Variants in RYR1 observed in about 807,000 individuals in gnomAD.
The protein encoded by RYR1 is ryanodine receptor 1.
In RYR1, 342 loss-of-function variants were observed where a neutral mutation model predicts 583.5. The ratio of observed to expected loss-of-function variants is 0.59; its 90% CI spans 0.54 to 0.64. RYR1 has a LOEUF of 0.64. Ranked by LOEUF, RYR1 falls within the 30% of genes least tolerant of loss-of-function variation. The pLI is 0.00. For missense variants in RYR1, 6,032 were observed against 6,917.2 expected (o/e 0.87, Z 4.54); for synonymous variants, 2,791 against 2,822.5 (o/e 0.99, Z 0.35).
chr19:38,451,937 C>T (rs766810329), intron 12 of RYR1, 52 bp downstream of exon 12: 9 of 1,612,742 alleles, frequency 5.6e-6, no homozygotes, highest in African/African-American at 1.3e-5. Context: ...TCCCATGCTC[C>T]GGGCATCCAT....
At chr19:38,540,155 G>T (rs1399884005) in intron 84 of RYR1, among the ~76,000 whole-genome samples, 1 of 152,058 alleles carries the variant, frequency 6.6e-6, no homozygotes, top group Non-Finnish European at 1.5e-5. Context: ...AAACCTTCCT[G>T]TGCAACATGA....
chr19:38,483,141 T>A lies in RYR1; in HGVS notation c.4707+28T>A, dbSNP rs1337805020. Reference sequence around the variant, plus strand: ...ACAAGTGCAGTGATGGGGGCACTAATGGGGCCAGGCTGAGGCAGGAGATGT... The same window carrying A: ...ACAAGTGCAGTGATGGGGGCACTAAAGGGGCCAGGCTGAGGCAGGAGATGT... On this transcript the variant is annotated intron_variant, in intron 32 of 105. Transcript: ENST00000359596. The surrounding 1 kb of genome is among the most constrained non-coding windows in gnomAD (Gnocchi z 6.3). 2 of 1,609,876 alleles carry A rather than the reference T, an allele frequency of 1.2e-6. No individual in the cohort carries two copies. Among genetic ancestry groups the A allele is most frequent in the East Asian group, 4.5e-5 (2 of 44,870 alleles).
chr19:38,507,086 G>C, intron 57 of RYR1, 134 bp downstream of exon 57: 1 of 1,409,956 alleles, frequency 7.1e-7, no homozygotes, highest in Non-Finnish European at 9.6e-7. Context: ...CAGAGGGGAG[G>C]AGCTAAGGGA....
intron 76 of RYR1, 120 bp from the exon 77 acceptor site, chr19:38,532,370 G>T: frequency 7.3e-6 from 7 of 957,056 alleles, no homozygotes; most frequent in Non-Finnish European, 1.2e-5. Flanking sequence ...TGATCTGCCT[G>T]CCTCAGCCTC....
At chr19:38,542,066 C>CAA (rs71165558) in intron 84 of RYR1, among the ~76,000 whole-genome samples, 73 of 80,808 alleles carry the variant, frequency 9.0e-4, no homozygotes, top group African/African-American at 1.9e-3. Flanking sequence ...GAGACCTTGT[C>CAA]AAAAAAAAAA....
At chr19:38,527,942 CG>C (rs1555791008) in intron 73 of RYR1, 158 bp downstream of exon 73, 1 of 504,678 alleles carries the variant, frequency 2.0e-6, no homozygotes. Context: ...TAGAATGGAT[CG>C]GGGGAGGGGT....
At chr19:38,563,857 A>G (rs1182672406) in intron 90 of RYR1, among the ~76,000 whole-genome samples, 2 of 152,214 alleles carry the variant, frequency 1.3e-5, no homozygotes, top group Non-Finnish European at 2.9e-5. Context: ...TTCGAATCCT[A>G]TATGTGCCAC....
chr19:38,473,783 G>A lies in RYR1; in HGVS notation c.4160+12G>A, dbSNP rs1968567378. 4.7e-6 allele frequency: 7 copies of A among 1,502,864 alleles called. No homozygotes were observed. Among genetic ancestry groups the A allele is most frequent in the Non-Finnish European group, 6.2e-6 (7 of 1,124,440 alleles). The allele number at this position is 1,502,864 out of a possible 1,614,324, so 93.1% of individuals were successfully genotyped here. A position where few individuals can be genotyped will look rare whatever the true frequency, so the allele number is the denominator to read the frequency against. On this transcript the variant is annotated intron_variant, in intron 28 of 105. Coordinates refer to ENST00000359596, the MANE Select transcript of RYR1 (RefSeq NM_000540.3). ...AACAAGAAGAGAGGGTGAGTCGAGG[G>A]GGGCCCAGAGTGGGGATTGGGGGCT...
intron 20 of RYR1, among the ~76,000 whole-genome samples, 156 bp from the exon 21 acceptor site, chr19:38,463,267 G>C (rs1176543479): frequency 6.6e-6 from 1 of 151,012 alleles, no homozygotes; most frequent in Non-Finnish European, 1.5e-5. Context: ...GTCAACCCTG[G>C]AGTCAAGGCG....
intron 42 of RYR1, 83 bp downstream of exon 42, chr19:38,497,037 A>G (rs1293597281): frequency 5.9e-6 from 7 of 1,187,166 alleles, no homozygotes; most frequent in Admixed American, 1.8e-5. Context: ...GCTGATTCCA[A>G]ACTCATTCTG....
chr19:38,452,523 C>T (rs1388607891), intron 12 of RYR1, among the ~76,000 whole-genome samples: 3 of 152,176 alleles, frequency 2.0e-5, no homozygotes, highest in East Asian at 1.9e-4. Context: ...CAACCATGAT[C>T]ACATTCCTGA....
In RYR1 at chr19:38,543,807, A is replaced by G. The variant is rs1212913039; in HGVS notation, c.11944A>G (p.Ser3982Gly). Reference protein sequence around the residue: ...CTGNQQSLAHSRLWDAVVGFL... With the variant: ...CTGNQQSLAHGRLWDAVVGFL... ...CGGGAACCAGCAGAGCCTGGCGCAC[A>G]GTCGCCTATGGGACGCAGTGGTGGG... Residue 3982 changes from serine (S) to glycine (G), a missense_variant, in exon 87 of 106, where the codon AGT becomes GGT. By Grantham distance (56) the Ser-to-Gly change is moderately conservative. Around this residue, in one of 11 missense-constraint regions of RYR1, gnomAD observed 82 missense variants for 139.7 expected, o/e 0.59. Coordinates refer to ENST00000359596, the MANE Select transcript of RYR1 (RefSeq NM_000540.3). The surrounding 1 kb of genome is among the most constrained non-coding windows in gnomAD (Gnocchi z 4.4). The G allele has an allele frequency of 6.2e-7, 1 of 1,613,914 alleles. No individual in the cohort carries two copies. The highest frequency in any genetic ancestry group is 8.5e-7 in the Non-Finnish European group (1 of 1,180,018).
rs1490902695 is a variant in RYR1 at position 38,560,939 on chromosome 19, C to T, written c.12283-174C>T. Among the ~76,000 whole-genome samples the T allele has an allele frequency of 2.7e-5, 4 of 148,884 alleles. No individual in the cohort carries two copies. In the East Asian group the frequency reaches 8.1e-4, roughly 30 times the overall value. ...TGCTCTGGATGCTGGGTACTTGAGC[C>T]CGGGGGTGGGGATGGGGACGAGAGG... On this transcript the variant is annotated intron_variant, in intron 89 of 105. Transcript: ENST00000359596.
intron 84 of RYR1, 113 bp downstream of exon 84, chr19:38,538,073 TC>T: frequency 1.0e-6 from 1 of 953,772 alleles, no homozygotes. Flanking sequence ...ATGGCCACTC[TC>T]CAGCCAGTGT....
chr19:38,503,154 C>T (rs1423841067), intron 49 of RYR1, among the ~76,000 whole-genome samples, 184 bp downstream of exon 49: 3 of 152,160 alleles, frequency 2.0e-5, no homozygotes, highest in Admixed American at 2.0e-4. Flanking sequence ...CCAGAACATT[C>T]ACTTTGCTTC....
rs372013629 is a variant in RYR1, at chr19:38,504,258, C to T, written c.7965C>T (p.Tyr2655=). The change falls in exon 50 of 106, where the codon TAC becomes TAT. Residue 2655 remains tyrosine (Y), a synonymous_variant. Coordinates refer to ENST00000359596, the MANE Select transcript of RYR1 (RefSeq NM_000540.3). ...ACTATGAGCGCTGTTGGAAGTACTA[C>T]TGCCTACCCACGGGCTGGGCCAACT... ...TNHYERCWKY[Y]CLPTGWANFG... is the part of the protein sequence containing the mutation. 3.7e-5 allele frequency: 59 copies of T among 1,613,984 alleles called. No homozygotes were observed. Among genetic ancestry groups the T allele is most frequent in the Non-Finnish European group, 4.6e-5 (54 of 1,180,022 alleles).
Position 38,561,524 on chromosome 19 carries a change from C to T in RYR1, c.12624+70C>T. ...GGCATGCGGGTGCTCACTTCCTGCA[C>T]CCTCAGACCCCACGGGGGCTGTGCG... On this transcript the variant is annotated intron_variant, in intron 90 of 105. Coordinates refer to ENST00000359596, the MANE Select transcript of RYR1 (RefSeq NM_000540.3). The surrounding 1 kb of genome is among the most constrained non-coding windows in gnomAD (Gnocchi z 4.8). The T allele has an allele frequency of 1.4e-6, 2 of 1,441,320 alleles. No homozygotes were observed. Among genetic ancestry groups the T allele is most frequent in the Non-Finnish European group, 1.9e-6 (2 of 1,056,808 alleles). 89.3% of individuals were successfully genotyped at this position (1,441,320 alleles called of 1,614,324 possible). A position where few individuals can be genotyped will look rare whatever the true frequency, so the allele number is the denominator to read the frequency against.
At position 38,496,668 on chromosome 19, in the gene RYR1, G is replaced by A. The variant is rs550446879; in HGVS notation, c.6796+127G>A. The A allele has an allele frequency of 1.9e-5, 24 of 1,272,978 alleles. No homozygotes were observed. The African/African-American group carries it at 2.8e-4, about 15-fold the overall frequency. 78.9% of individuals were successfully genotyped at this position (1,272,978 alleles called of 1,614,324 possible). A position where few individuals can be genotyped will look rare whatever the true frequency, so the allele number is the denominator to read the frequency against. On this transcript the variant is annotated intron_variant, in intron 41 of 105. Transcript: ENST00000359596. The surrounding 1 kb of genome is among the most constrained non-coding windows in gnomAD (Gnocchi z 4.8). ...CCCTCTCAACTGTGGTTCTGGCCCTGTAATGAGTAATGCTGGGGACACAAT... is the reference window on the plus strand; with the variant it reads ...CCCTCTCAACTGTGGTTCTGGCCCTATAATGAGTAATGCTGGGGACACAAT...
chr19:38,458,157 G>A lies in RYR1; in HGVS notation c.2032G>A (p.Ala678Thr), dbSNP rs773338504. The A allele has an allele frequency of 1.1e-5, 17 of 1,613,862 alleles. No homozygotes were observed. The highest frequency in any genetic ancestry group is 1.2e-5 in the Non-Finnish European group (14 of 1,180,032). Residue 678 changes from alanine to threonine, a missense_variant, in exon 18 of 106, where the codon GCC becomes ACC. By Grantham distance (58) the Ala-to-Thr change is moderately conservative. Transcript: ENST00000359596. ...DEVTPFLTAQ[A>T]THLRVGWALT... ...GGTGACTCCATTTCTGACAGCTCAG[G>A]CCACCCACTTGCGGGTGGGCTGGGC...
Sources: allele counts gnomAD v4.1 joint callset (sites outside exome capture counted in the v4.1 genomes callset), GRCh38; gene constraint gnomAD v4.1.1; regional missense constraint gnomAD v4.1.1; non-coding constraint Gnocchi (gnomAD v3.1); transcripts MANE v1.5; gene names NCBI Gene and HGNC (gene_info 2026-07-23, HGNC 2026-07-21).